Variants in EFCAB5 observed in about 807,000 individuals in gnomAD.
The protein encoded by EFCAB5 is EF-hand calcium-binding domain-containing protein 5.
Under a neutral mutation model 167.9 loss-of-function variants are expected in EFCAB5, and 131 were observed. That is an observed-to-expected ratio of 0.78 (90% confidence interval 0.68 to 0.90). The LOEUF is 0.90. Ranked by LOEUF, EFCAB5 falls within the 40% of genes least tolerant of loss-of-function variation. EFCAB5 has a pLI of 0.00. For missense variants in EFCAB5, 1,663 were observed against 1,745.2 expected (o/e 0.95, Z 0.84); for synonymous variants, 574 against 602.8 (o/e 0.95, Z 0.70).
At chr17:29,992,508 C>T (rs982573664) in intron 4 of EFCAB5, among the ~76,000 whole-genome samples, 12 of 152,194 alleles carry the variant, frequency 7.9e-5, no homozygotes, top group Non-Finnish European at 1.2e-4. Flanking sequence ...CCACCACACC[C>T]GGCTAATTTT....
At chr17:30,060,170 C>T (rs1597743027) in intron 14 of EFCAB5, among the ~76,000 whole-genome samples, 2 of 152,142 alleles carry the variant, frequency 1.3e-5, no homozygotes, top group East Asian at 3.8e-4. Flanking sequence ...TGTAACTAAC[C>T]TGCACAATGT....
At chr17:29,989,692 T>C (rs565629063) in intron 4 of EFCAB5, among the ~76,000 whole-genome samples, 1 of 152,338 alleles carries the variant, frequency 6.6e-6, no homozygotes, top group South Asian at 2.1e-4. Flanking sequence ...TTATGAAAAC[T>C]GGAGAATTCC....
chr17:30,023,332 A>C (rs1373742280), intron 7 of EFCAB5, among the ~76,000 whole-genome samples: 4 of 152,134 alleles, frequency 2.6e-5, no homozygotes, highest in Non-Finnish European at 5.9e-5. Context: ...GACGCAATAA[A>C]AAATGATAAA....
intron 14 of EFCAB5, chr17:30,069,260 C>G: frequency 6.6e-7 from 1 of 1,516,840 alleles, no homozygotes; most frequent in Non-Finnish European, 9.2e-7. Flanking sequence ...GACTGAAAGA[C>G]AACCTGAATT....
intron 4 of EFCAB5, chr17:29,972,759 A>C (rs527903890): frequency 4.4e-6 from 1 of 225,000 alleles, no homozygotes; most frequent in East Asian, 1.1e-4. Flanking sequence ...GAACACTACC[A>C]GGACCTGCGA....
intron 8 of EFCAB5, among the ~76,000 whole-genome samples, chr17:30,037,542 T>C (rs578197461): frequency 6.6e-6 from 1 of 152,316 alleles, no homozygotes; most frequent in Admixed American, 6.5e-5. Context: ...ACACAATTCA[T>C]GGAATCACTA....
rs562656184 is a variant in EFCAB5 at position 30,090,536 on chromosome 17, G to A, written c.3799G>A (p.Asp1267Asn). ...ERTGEALGVL[D>N]FNIGQNRMLL... ...AACAGGAGAGGCTCTGGGAGTCCTC[G>A]ATTTTAACATCGGCCAAAATAGGAT... is the stretch of plus-strand genomic sequence containing the variant. The change falls in exon 20 of 23, where the codon GAT becomes AAT. Residue 1267 changes from aspartate to asparagine, a missense_variant. Physicochemically the swap from Asp to Asn is conservative, Grantham distance 23 (BLOSUM62 1). Transcript: ENST00000394835. 78 of 1,613,958 alleles carry A rather than the reference G, an allele frequency of 4.8e-5. No individual in the cohort carries two copies. The highest frequency in any genetic ancestry group is 1.0e-4 in the Admixed American group (6 of 60,022).
At chr17:29,966,578 T>A (rs893687241) in intron 3 of EFCAB5, among the ~76,000 whole-genome samples, 1 of 152,176 alleles carries the variant, frequency 6.6e-6, no homozygotes, top group African/African-American at 2.4e-5. Flanking sequence ...CGTATACATA[T>A]GGGTATATGG....
rs776969520 is a variant in EFCAB5 at position 30,059,604 on chromosome 17, G to T, written c.2640G>T (p.Lys880Asn). 7.4e-6 allele frequency: 12 copies of T among 1,611,834 alleles called. No individual in the cohort carries two copies. In the East Asian group the frequency reaches 1.3e-4, roughly 18 times the overall value. ...QRLLLEAIFQKWDSDGSGFLD... is the reference protein window; with the variant it reads ...QRLLLEAIFQNWDSDGSGFLD... ...TTCTCCTAGAAGCCATCTTTCAGAA[G>T]TGGGACAGTGATGGCTCAGGCTTCC... The change falls in exon 14 of 23, where the codon AAG becomes AAT. Residue 880 changes from lysine to asparagine, a missense_variant. Lys to Asn is a moderately conservative substitution (Grantham distance 94). Transcript: ENST00000394835.
chr17:30,078,358 C>T lies in EFCAB5; in HGVS notation c.2881C>T (p.Leu961=). The T allele has an allele frequency of 6.2e-7, 1 of 1,613,992 alleles. No homozygotes were observed. Among genetic ancestry groups the T allele is most frequent in the African/African-American group, 1.3e-5 (1 of 75,022 alleles). ...DQVLESVVEF[L]MNALERSHIE... ...AGTTCTGGAAAGTGTTGTGGAATTT[C>T]TGATGAATGCTTTAGAGAGGAGCCA... Residue 961 remains leucine, a synonymous_variant, in exon 15 of 23, where the codon CTG becomes TTG. Transcript: ENST00000394835.
chr17:30,052,006 G>T (rs939900164), intron 9 of EFCAB5, among the ~76,000 whole-genome samples: 3 of 151,600 alleles, frequency 2.0e-5, no homozygotes, highest in Admixed American at 6.6e-5. Flanking sequence ...TTTCAGAGAT[G>T]GGGTCTTGCT....
intron 1 of EFCAB5, 48 bp downstream of exon 1, chr17:29,941,886 TC>T: frequency 6.5e-7 from 1 of 1,540,886 alleles, no homozygotes; most frequent in Non-Finnish European, 8.8e-7. Context: ...GATTTGAGAT[TC>T]AACATTCTTG....
At chr17:30,079,619 A>T (rs12150467) in intron 15 of EFCAB5, among the ~76,000 whole-genome samples, 9,180 of 152,288 alleles carry the variant, frequency 0.06, 508 homozygotes, top group African/African-American at 0.15. Context: ...AAGTGTGTTA[A>T]GAGTTCCTCG....
At chr17:30,027,689 C>T (rs954902791) in intron 7 of EFCAB5, among the ~76,000 whole-genome samples, 1 of 151,988 alleles carries the variant, frequency 6.6e-6, no homozygotes, top group Admixed American at 6.6e-5. Context: ...ATGAAACTTT[C>T]TGTGTTAAAA....
chr17:29,968,675 T>G, intron 3 of EFCAB5, 116 bp from the exon 4 acceptor site: 1 of 787,376 alleles, frequency 1.3e-6, no homozygotes, highest in South Asian at 2.7e-5. Flanking sequence ...TCAGCTGACA[T>G]TCTTCCAATC....
chr17:30,074,285 C>T (rs1050875450), intron 14 of EFCAB5: 6 of 152,108 alleles, frequency 3.9e-5, no homozygotes, highest in African/African-American at 1.4e-4. Flanking sequence ...CAGGTGCACA[C>T]CACCATGCCT....
intron 3 of EFCAB5, among the ~76,000 whole-genome samples, chr17:29,949,539 G>A (rs1270053512): frequency 1.3e-5 from 2 of 152,166 alleles, no homozygotes; most frequent in Non-Finnish European, 2.9e-5. Flanking sequence ...AATCTTAAAA[G>A]GTTTAGGATG....
intron 3 of EFCAB5, among the ~76,000 whole-genome samples, chr17:29,957,472 C>G (rs953475963): frequency 6.6e-6 from 1 of 152,146 alleles, no homozygotes; most frequent in Non-Finnish European, 1.5e-5. Flanking sequence ...TCCTGATGCT[C>G]TTCCTCATCC....
intron 5 of EFCAB5, 50 bp downstream of exon 5, chr17:29,993,371 AGG>A (rs747770278): frequency 6.4e-7 from 1 of 1,565,006 alleles, no homozygotes; most frequent in East Asian, 2.3e-5. Context: ...AAGTGGTAAA[AGG>A]GCAATTGCTA....
Sources: gnomAD v4.1 joint callset for allele counts (sites outside exome capture counted in the v4.1 genomes callset) on GRCh38, gnomAD v4.1.1 for gene constraint, MANE v1.5 for transcripts, NCBI Gene and HGNC (gene_info 2026-07-23, HGNC 2026-07-21) for gene names.